The following SLC35F3 variants were observed in gnomAD, a reference collection of about 807,000 sequenced individuals.
SLC35F3 encodes the protein solute carrier family 35 member F3.
A neutral mutation model predicts 49.9 loss-of-function variants in SLC35F3; 25 were observed. The observed-to-expected ratio is 0.50, with a 90% CI of 0.37 to 0.70. The LOEUF is 0.70. Among genes scored for constraint, SLC35F3 ranks in the 30% least tolerant of loss-of-function variants. The pLI is 0.00. For synonymous variants in SLC35F3, 275 were observed against 265.4 expected, an observed-to-expected ratio of 1.04 and a Z score of -0.35; for missense variants, 525 against 639.8, an observed-to-expected ratio of 0.82 and a Z score of 1.94.
chr1:234,078,509 C>T (rs1664829592), intron 2 of SLC35F3, among the ~76,000 whole-genome samples: 1 of 152,176 alleles, frequency 6.6e-6, no homozygotes, highest in South Asian at 2.1e-4. Flanking sequence ...CCCTGTTGAT[C>T]CCCCTTGCTC....
At chr1:234,252,171 GT>G (rs1667747962) in intron 3 of SLC35F3, among the ~76,000 whole-genome samples, 1 of 152,034 alleles carries the variant, frequency 6.6e-6, no homozygotes, top group South Asian at 2.1e-4. Flanking sequence ...CCAGATTCAA[GT>G]GATTCTCCTG....
intron 2 of SLC35F3, among the ~76,000 whole-genome samples, chr1:233,965,935 G>T (rs1361089066): frequency 6.6e-6 from 1 of 152,184 alleles, no homozygotes; most frequent in East Asian, 1.9e-4. Context: ...GGCTAGGTTG[G>T]ATATTTTCAT....
intron 2 of SLC35F3, among the ~76,000 whole-genome samples, chr1:234,195,171 C>G (rs1666788820): frequency 6.6e-6 from 1 of 152,212 alleles, no homozygotes; most frequent in African/African-American, 2.4e-5. Flanking sequence ...CTTCCACTGT[C>G]TCCCATTTCT....
At chr1:234,110,693 A>G (rs1665392991) in intron 2 of SLC35F3, among the ~76,000 whole-genome samples, 1 of 152,152 alleles carries the variant, frequency 6.6e-6, no homozygotes, top group African/African-American at 2.4e-5. Context: ...CCAGGATGCT[A>G]TGGAAGACAG....
intron 2 of SLC35F3, among the ~76,000 whole-genome samples, chr1:234,154,792 CCTT>C (rs1666126981): frequency 1.3e-5 from 2 of 152,230 alleles, no homozygotes; most frequent in South Asian, 4.1e-4. Flanking sequence ...ACTCCAGCCT[CCTT>C]CAGGCCTACC....
At chr1:234,129,819 A>C (rs1208554968) in intron 2 of SLC35F3, among the ~76,000 whole-genome samples, 1 of 152,206 alleles carries the variant, frequency 6.6e-6, no homozygotes, top group Admixed American at 6.5e-5. Context: ...TACGGAAAGA[A>C]TGTTTTTTTA....
At chr1:233,979,854 C>T (rs765837655) in intron 2 of SLC35F3, among the ~76,000 whole-genome samples, 17 of 152,170 alleles carry the variant, frequency 1.1e-4, no homozygotes, top group Non-Finnish European at 2.2e-4. Context: ...CTGGTTCCGT[C>T]GTTTGATAGG....
intron 2 of SLC35F3, among the ~76,000 whole-genome samples, chr1:234,224,893 G>A (rs570167008): frequency 2.0e-5 from 3 of 152,306 alleles, no homozygotes; most frequent in South Asian, 4.1e-4. Context: ...ACCACCACTT[G>A]CCCCTTTAAT....
At chr1:234,240,834 T>A (rs1667543986) in intron 3 of SLC35F3, among the ~76,000 whole-genome samples, 1 of 152,224 alleles carries the variant, frequency 6.6e-6, no homozygotes, top group South Asian at 2.1e-4. Flanking sequence ...GTCATTGTTT[T>A]AGGCTGTTGC....
chr1:234,243,731 A>ATGGGTG (rs1229048548), intron 3 of SLC35F3, among the ~76,000 whole-genome samples: 1 of 152,206 alleles, frequency 6.6e-6, no homozygotes, highest in Non-Finnish European at 1.5e-5. Context: ...TGAGACAGAG[A>ATGGGTG]TGGGTGACTC....
intron 2 of SLC35F3, among the ~76,000 whole-genome samples, chr1:234,155,395 G>GACGATGATGATGATGATGATTATTATT (rs1553310141): frequency 7.4e-5 from 11 of 149,292 alleles, no homozygotes; most frequent in African/African-American, 2.5e-4. Context: ...CTATTCACCT[G>GACGATGATGATGATGATGATTATTATT]ATTATTATTA....
intron 2 of SLC35F3, among the ~76,000 whole-genome samples, chr1:234,121,282 G>T (rs567391758): frequency 6.6e-6 from 1 of 151,564 alleles, no homozygotes; most frequent in East Asian, 2.0e-4. Context: ...GATTACAGGC[G>T]CCCGCCACCA....
intron 3 of SLC35F3, among the ~76,000 whole-genome samples, chr1:234,267,762 T>G (rs1289908316): frequency 1.5e-5 from 2 of 135,504 alleles, no homozygotes; most frequent in East Asian, 2.2e-4. Context: ...AGGCAGAGGG[T>G]TTCCTCACTT....
chr1:234,255,599 C>G (rs375433164), intron 3 of SLC35F3, among the ~76,000 whole-genome samples: 1 of 152,242 alleles, frequency 6.6e-6, no homozygotes, highest in Non-Finnish European at 1.5e-5. Context: ...TTGGAAGAAC[C>G]AAGATGTCCC....
intron 2 of SLC35F3, among the ~76,000 whole-genome samples, chr1:234,108,292 T>TA (rs397961319): frequency 1.3e-4 from 8 of 61,762 alleles, no homozygotes; most frequent in Non-Finnish European, 1.8e-4. Context: ...TATTTATATA[T>TA]AAAGATATAT....
chr1:234,311,342 G>A (rs189359368), intron 4 of SLC35F3, among the ~76,000 whole-genome samples: 1 of 152,206 alleles, frequency 6.6e-6, no homozygotes, highest in African/African-American at 2.4e-5. Context: ...TCTAACTGGT[G>A]CATGGGACCG....
At chr1:234,173,207 G>A (rs1202174314) in intron 2 of SLC35F3, among the ~76,000 whole-genome samples, 1 of 152,180 alleles carries the variant, frequency 6.6e-6, no homozygotes, top group African/African-American at 2.4e-5. Flanking sequence ...CAGCTCCCTC[G>A]TGGAAGCTCA....
Position 234,140,002 on chromosome 1 carries a change from A to AATAAAATAAAATAAAAAAT in SLC35F3, c.284-91415_284-91414insATAAAATAAAATAAAAAAT. ...AATAAAATAAAATAAAATAAAATAA[A>AATAAAATAAAATAAAAAAT]GTAAGTGACTTGAACACAAGTACTG... is the stretch of plus-strand genomic sequence containing the variant. On this transcript the variant is annotated intron_variant, in intron 2 of 7. Transcript: ENST00000366618. Among the ~76,000 whole-genome samples, 4 of 105,344 alleles carry AATAAAATAAAATAAAAAAT rather than the reference A, an allele frequency of 3.8e-5. 1 individual carries two copies. The highest frequency in any genetic ancestry group is 9.0e-5 in the Admixed American group (1 of 11,058). The allele number at this position is 105,344 out of a possible 152,430, so 69.1% of individuals were successfully genotyped here. A position where few individuals can be genotyped will look rare whatever the true frequency, so the allele number is the denominator to read the frequency against.
At chr1:233,990,126 A>T (rs1663328647) in intron 2 of SLC35F3, among the ~76,000 whole-genome samples, 1 of 152,194 alleles carries the variant, frequency 6.6e-6, no homozygotes, top group Non-Finnish European at 1.5e-5. Context: ...TAAAGAAAAA[A>T]TTTAAATATT....
Sources: allele counts gnomAD v4.1 joint callset (sites outside exome capture counted in the v4.1 genomes callset), GRCh38; gene constraint gnomAD v4.1.1; transcripts MANE v1.5; gene names NCBI Gene and HGNC (gene_info 2026-07-23, HGNC 2026-07-21).